CCDC9B: variants seen among roughly 807,000 people sequenced by gnomAD.
CCDC9B encodes the protein coiled-coil domain-containing protein 9B.
In CCDC9B, 40 loss-of-function variants were observed where a neutral mutation model predicts 47.2. The observed-to-expected ratio is 0.85, with a 90% CI of 0.66 to 1.10. CCDC9B has a LOEUF of 1.10. CCDC9B is among the 50% of genes least tolerant of loss of function. The pLI, the probability that CCDC9B is intolerant of heterozygous loss-of-function variation, is 0.00. For synonymous variants in CCDC9B, 238 were observed against 250.7 expected, an observed-to-expected ratio of 0.95 and a Z score of 0.48; for missense variants, 662 against 651.0, an observed-to-expected ratio of 1.02 and a Z score of -0.18.
intron 1 of CCDC9B, 172 bp from the exon 2 acceptor site, chr15:40,340,187 C>G: frequency 1.7e-6 from 1 of 601,458 alleles, no homozygotes. Flanking sequence ...AGCCCCCATT[C>G]CAGCTAGGCC....
Position 40,332,930 on chromosome 15 carries a change from G to T in CCDC9B, c.*2228C>A, listed in dbSNP as rs1888886042. ...CTCACATACATAGGAATGTTTCCAA[G>T]CCTTTCCAAAATTCCTCTGATCAAC... is the stretch of plus-strand genomic sequence containing the variant. On this transcript the variant is annotated 3_prime_UTR_variant, in exon 11 of 11. Coordinates refer to ENST00000397536, the MANE Select transcript of CCDC9B (RefSeq NM_207380.3). 1 of 152,154 alleles carries T rather than the reference G, an allele frequency of 6.6e-6. No individual in the cohort carries two copies. The highest frequency in any genetic ancestry group is 2.1e-4 in the South Asian group (1 of 4,834). 9.4% of individuals were successfully genotyped at this position (152,154 alleles called of 1,614,324 possible).
At chr15:40,339,071 C>T (rs1889030951) in intron 3 of CCDC9B, 168 bp from the exon 4 acceptor site, 1 of 748,294 alleles carries the variant, frequency 1.3e-6, no homozygotes, top group African/African-American at 1.7e-5. Flanking sequence ...ATGAGGTTAT[C>T]CAGGGCCCAG....
intron 3 of CCDC9B, chr15:40,339,222 G>A: frequency 1.7e-6 from 1 of 585,040 alleles, no homozygotes; most frequent in South Asian, 2.0e-5. Flanking sequence ...ACTTCCTGCA[G>A]GGTTTTAGCC....
chr15:40,339,664 G>A (rs372016759), intron 2 of CCDC9B, 45 bp from the exon 3 acceptor site: 5 of 1,608,188 alleles, frequency 3.1e-6, no homozygotes, highest in Non-Finnish European at 4.2e-6. Flanking sequence ...CCCCCCAGGT[G>A]CACAGAGACA....
chr15:40,338,505 C>T (rs770903994), intron 5 of CCDC9B, 30 bp downstream of exon 5: 4 of 1,607,268 alleles, frequency 2.5e-6, no homozygotes, highest in East Asian at 4.5e-5. Flanking sequence ...ACCTTCAGAT[C>T]CATGTCCCCA....
chr15:40,336,910 G>T, intron 7 of CCDC9B, 97 bp from the exon 8 acceptor site: 1 of 1,297,454 alleles, frequency 7.7e-7, no homozygotes, highest in Non-Finnish European at 1.1e-6. Flanking sequence ...CAGTCCTCGG[G>T]GCCAGTCGTG....
At position 40,336,629 on chromosome 15, in the gene CCDC9B, G is replaced by T; in HGVS notation, c.832C>A (p.Pro278Thr). 1 of 1,613,152 alleles carries T rather than the reference G, an allele frequency of 6.2e-7. No homozygotes were observed. The highest frequency in any genetic ancestry group is 1.1e-5 in the South Asian group (1 of 91,046). The change falls in exon 9 of 11, where the codon CCA becomes ACA. Residue 278 changes from proline (P) to threonine (T), a missense_variant. Physicochemically the swap from Pro to Thr is conservative, Grantham distance 38. Coordinates refer to ENST00000397536, the MANE Select transcript of CCDC9B (RefSeq NM_207380.3). ...GGQASRPSVA[P>T]ATGSKARGKE... ...CCCCGGGCTTTGCTGCCTGTGGCTGGTGCCACCGAGGGTCTGCTGGCTTGC... is the reference window on the plus strand; with the variant it reads ...CCCCGGGCTTTGCTGCCTGTGGCTGTTGCCACCGAGGGTCTGCTGGCTTGC...
Position 40,337,851 on chromosome 15 carries a change from C to A in CCDC9B, c.556G>T (p.Glu186Ter). Residue 186 changes from glutamate (E) to a stop codon, truncating the protein, a stop_gained, in exon 6 of 11, where the codon GAG becomes TAG. Transcript: ENST00000397536. LOFTEE classifies it high-confidence loss of function. ...CACTGGGCATAGTCCCAGCCCGCCT[C>A]CGGGGGCTCCCCCACCGGCCGGCTC... ...PWSRPVGEPP[E>*]AGWDYAQWKQ... 6.2e-7 allele frequency: 1 copy of A among 1,608,174 alleles called. No homozygotes were observed. Among genetic ancestry groups the A allele is most frequent in the Non-Finnish European group, 8.5e-7 (1 of 1,178,268 alleles).
intron 3 of CCDC9B, 105 bp downstream of exon 3, chr15:40,339,407 C>T: frequency 7.9e-7 from 1 of 1,261,188 alleles, no homozygotes; most frequent in Non-Finnish European, 1.1e-6. Flanking sequence ...AGGTGCACCC[C>T]AGAATAGTTA....
Position 40,337,882 on chromosome 15 carries a change from C to A in CCDC9B, c.525G>T (p.Glu175Asp). ...GCTCCCCCACCGGCCGGCTCCAGGG[C>A]TCCCAAGAACCCTGTAGGGAGAAGA... The part of the protein sequence containing the change: ...SSDSARKGSW[E>D]PWSRPVGEPP... The change falls in exon 6 of 11, where the codon GAG becomes GAT. Residue 175 changes from glutamate to aspartate, a missense_variant. Glu to Asp is a conservative substitution (Grantham distance 45). Coordinates refer to ENST00000397536, the MANE Select transcript of CCDC9B (RefSeq NM_207380.3). 5.6e-6 allele frequency: 9 copies of A among 1,597,194 alleles called. No homozygotes were observed. Among genetic ancestry groups the A allele is most frequent in the South Asian group, 3.4e-5 (3 of 88,160 alleles).
rs1566908681 is a variant in CCDC9B at position 40,339,954 on chromosome 15, CTCCGA to C, written c.69_73del (p.Asp23GlufsTer42). 2 of 1,613,958 alleles carry C rather than the reference CTCCGA, an allele frequency of 1.2e-6. No homozygotes were observed. Among genetic ancestry groups the C allele is most frequent in the Admixed American group, 3.3e-5 (2 of 60,016 alleles). ...GTTCTTCTTGCGCAGGGCAACTATC[CTCCGA>C]TCCAGCTCTGCGTCCTTCTCCTGCC... On this transcript the variant is annotated frameshift_variant, in exon 2 of 11. Transcript: ENST00000397536. LOFTEE classifies it high-confidence loss of function.
chr15:40,336,739 CCCT>C lies in CCDC9B; in HGVS notation c.796+18_796+20del. ...CCATCTTTAGCTGACGAGACCTGGC[CCCT>C]CCTCCTCCCCAACTCACCTTTTCCA... is the stretch of plus-strand genomic sequence containing the variant. On this transcript the variant is annotated intron_variant, in intron 8 of 10. Transcript: ENST00000397536. 4 of 1,600,206 alleles carry C rather than the reference CCCT, an allele frequency of 2.5e-6. No individual in the cohort carries two copies. Among genetic ancestry groups the C allele is most frequent in the South Asian group, 1.1e-5 (1 of 90,248 alleles).
intron 3 of CCDC9B, 138 bp from the exon 4 acceptor site, chr15:40,339,041 G>T: frequency 1.0e-6 from 1 of 970,306 alleles, no homozygotes. Context: ...ACTCCCACAG[G>T]GTGTTCACAT....
In CCDC9B at chr15:40,335,180, G is replaced by T. The variant is rs747299842; in HGVS notation, c.1451C>A (p.Pro484His). 7.9e-6 allele frequency: 12 copies of T among 1,514,222 alleles called. No individual in the cohort carries two copies. The highest frequency in any genetic ancestry group is 9.7e-6 in the Non-Finnish European group (11 of 1,130,844). 93.8% of individuals were successfully genotyped at this position (1,514,222 alleles called of 1,614,324 possible). The change falls in exon 11 of 11, where the codon CCT becomes CAT. Residue 484 changes from proline (P) to histidine (H), a missense_variant. Coordinates refer to ENST00000397536, the MANE Select transcript of CCDC9B (RefSeq NM_207380.3). ...TAGVRRRTGR[P>H]GPAGRC ...TGTTCAGCATCTTCCTGCCGGGCCA[G>T]GGCGCCCTGTCCTGCGCCTCACACC...
At chr15:40,337,259 G>A (rs758243601) in intron 7 of CCDC9B, 129 bp downstream of exon 7, 76 of 873,190 alleles carry the variant, frequency 8.7e-5, no homozygotes, top group Non-Finnish European at 1.3e-4. Flanking sequence ...GGGAGAGGAA[G>A]GAAGATGTTC....
At chr15:40,336,353 A>AG (rs1236175039) in intron 9 of CCDC9B, 24 of 985,282 alleles carry the variant, frequency 2.4e-5, no homozygotes, top group Non-Finnish European at 2.9e-5. Context: ...CTCATTTCCC[A>AG]GGGGAAGGGA....
rs754543566 is a variant in CCDC9B at position 40,336,542 on chromosome 15, C to T, written c.887+32G>A. ...CCAGGAAATTGGGACACCCACATGC[C>T]CGTCTTGATTTTGTCCCCTGCCACC... On this transcript the variant is annotated intron_variant, in intron 9 of 10. Coordinates refer to ENST00000397536, the MANE Select transcript of CCDC9B (RefSeq NM_207380.3). 4 of 1,605,760 alleles carry T rather than the reference C, an allele frequency of 2.5e-6. No individual in the cohort carries two copies. The South Asian group carries it at 4.4e-5, about 18-fold the overall frequency.
intron 1 of CCDC9B, 111 bp from the exon 2 acceptor site, chr15:40,340,126 C>A: frequency 1.5e-6 from 1 of 674,438 alleles, no homozygotes; most frequent in South Asian, 1.8e-5. Flanking sequence ...CAGCTAAGGT[C>A]ACCCAGGAAG....
chr15:40,339,787 C>T, intron 2 of CCDC9B, 118 bp downstream of exon 2: 3 of 1,404,000 alleles, frequency 2.1e-6, no homozygotes, highest in Admixed American at 3.7e-5. Context: ...CCATGCCCAC[C>T]CTACCCCTGG....
Sources: gnomAD v4.1 joint callset for allele counts on GRCh38, gnomAD v4.1.1 for gene constraint, MANE v1.5 for transcripts, NCBI Gene and HGNC (gene_info 2026-07-23, HGNC 2026-07-21) for gene names.